MED12L: variants seen among roughly 807,000 people sequenced by gnomAD.
MED12L encodes mediator of RNA polymerase II transcription subunit 12-like protein.
Under a neutral mutation model 281.3 loss-of-function variants are expected in MED12L, and 60 were observed. The ratio of observed to expected loss-of-function variants is 0.21; its 90% CI spans 0.17 to 0.26. The LOEUF is 0.26. Among genes scored for constraint, MED12L ranks in the 10% least tolerant of loss-of-function variants. The pLI, the probability that MED12L is intolerant of heterozygous loss-of-function variation, is 1.00. For synonymous variants in MED12L, 974 were observed against 987.2 expected, an observed-to-expected ratio of 0.99 and a Z score of 0.25; for missense variants, 2,146 against 2,680.9, an observed-to-expected ratio of 0.80 and a Z score of 4.41.
intron 21 of MED12L, among the ~76,000 whole-genome samples, chr3:151,363,504 T>A (rs1417236417): frequency 6.6e-6 from 1 of 152,208 alleles, no homozygotes; most frequent in Non-Finnish European, 1.5e-5. Context: ...TGCCAAGCAC[T>A]GTGCTGGGTT....
chr3:151,413,559 G>A (rs960453502), intron 42 of MED12L, among the ~76,000 whole-genome samples: 3 of 152,106 alleles, frequency 2.0e-5, no homozygotes, highest in East Asian at 3.9e-4. Context: ...GAGGGCAGAC[G>A]GATGCCTTTA....
chr3:151,128,056 G>A, intron 5 of MED12L, 72 bp downstream of exon 5: 1 of 1,357,350 alleles, frequency 7.4e-7, no homozygotes, highest in South Asian at 1.3e-5. Flanking sequence ...TGTACCCTCT[G>A]GATACAGCCC....
chr3:151,409,320 G>A lies in MED12L; in HGVS notation c.5898G>A (p.Leu1966=). The change falls in exon 40 of 45, where the codon CTG becomes CTA. Residue 1966 remains leucine (L), a synonymous_variant. Transcript: ENST00000687756. ...CTCAGCTCCCTCAGTATCCAGGGCT[G>A]CAGCAAGCACAGGTACCCACATTTG... ...PSPQLPQYPG[L]QQAQTMPQGY... is the part of the protein sequence containing the mutation. 1 of 1,614,004 alleles carries A rather than the reference G, an allele frequency of 6.2e-7. No individual in the cohort carries two copies. The highest frequency in any genetic ancestry group is 8.5e-7 in the Non-Finnish European group (1 of 1,179,982).
chr3:151,192,176 TTTCTA>T (rs1724079899), intron 14 of MED12L, among the ~76,000 whole-genome samples: 2 of 152,240 alleles, frequency 1.3e-5, no homozygotes, highest in Admixed American at 1.3e-4. Flanking sequence ...TGCTTTTTCT[TTTCTA>T]TTCTATAGAT....
chr3:151,220,162 A>G (rs1388639279), intron 16 of MED12L, among the ~76,000 whole-genome samples: 1 of 149,324 alleles, frequency 6.7e-6, no homozygotes, highest in African/African-American at 2.5e-5. Context: ...GGTAATCAAA[A>G]ATGTTTCTAG....
At position 151,337,792 on chromosome 3, in the gene MED12L, T is replaced by G. The variant is rs767525617; in HGVS notation, c.2251-12267T>G. 13 of 1,609,728 alleles carry G rather than the reference T, an allele frequency of 8.1e-6. No homozygotes were observed. In the African/African-American group the frequency reaches 1.2e-4, roughly 15 times the overall value. On this transcript the variant is annotated intron_variant, in intron 16 of 44. Transcript: ENST00000687756. ...TAACGAGTTCTGAACACAAAGAGAT[T>G]GAAATATTTCCTTAGTTAATTTGTT...
At chr3:151,405,679 C>T (rs1716214219) in intron 39 of MED12L, among the ~76,000 whole-genome samples, 1 of 152,192 alleles carries the variant, frequency 6.6e-6, no homozygotes, top group East Asian at 1.9e-4. Flanking sequence ...ATCATGTTCC[C>T]ATATAGTTCT....
At chr3:151,192,123 A>G (rs1351539521) in intron 14 of MED12L, among the ~76,000 whole-genome samples, 1 of 152,346 alleles carries the variant, frequency 6.6e-6, no homozygotes, top group African/African-American at 2.4e-5. Flanking sequence ...TACAAGGCTA[A>G]AAACTGAAGT....
chr3:151,230,923 G>C (rs1421560501), intron 16 of MED12L, among the ~76,000 whole-genome samples: 1 of 152,114 alleles, frequency 6.6e-6, no homozygotes, highest in Non-Finnish European at 1.5e-5. Flanking sequence ...ACTGATTTCC[G>C]ATCAGGTACA....
chr3:151,108,319 A>G (rs1463854408), intron 2 of MED12L, among the ~76,000 whole-genome samples: 1 of 152,070 alleles, frequency 6.6e-6, no homozygotes. Flanking sequence ...TGAGAGAAGT[A>G]TGGATAGGTT....
intron 16 of MED12L, among the ~76,000 whole-genome samples, chr3:151,258,911 T>C (rs150300296): frequency 1.3e-5 from 2 of 149,874 alleles, no homozygotes; most frequent in Non-Finnish European, 3.0e-5. Context: ...GCTTTGTGGA[T>C]GGGAGCTGTG....
intron 16 of MED12L, among the ~76,000 whole-genome samples, chr3:151,219,894 C>CG (rs966596477): frequency 6.4e-5 from 1 of 15,706 alleles, no homozygotes. Flanking sequence ...TTATATTACC[C>CG]CCCCCCCCCC....
chr3:151,087,550 T>G (rs1053933691), intron 2 of MED12L, among the ~76,000 whole-genome samples: 1 of 152,236 alleles, frequency 6.6e-6, no homozygotes, highest in Admixed American at 6.5e-5. Flanking sequence ...AATATACCTC[T>G]GTAACCCTTC....
At chr3:151,299,241 C>A (rs1745526496) in intron 16 of MED12L, among the ~76,000 whole-genome samples, 1 of 152,148 alleles carries the variant, frequency 6.6e-6, no homozygotes, top group East Asian at 1.9e-4. Flanking sequence ...CACTGCTCTA[C>A]CTGCCAGGTG....
intron 16 of MED12L, among the ~76,000 whole-genome samples, chr3:151,278,690 T>A (rs1179591438): frequency 1.3e-5 from 2 of 152,182 alleles, no homozygotes; most frequent in African/African-American, 2.4e-5. Context: ...AAATTCAACA[T>A]GTGGTATGAG....
chr3:151,248,249 T>C (rs1225496394), intron 16 of MED12L, among the ~76,000 whole-genome samples: 5 of 152,124 alleles, frequency 3.3e-5, no homozygotes, highest in Non-Finnish European at 7.4e-5. Context: ...ACAGCAACTA[T>C]GAGACCTATT....
chr3:151,289,418 A>G (rs1577240359), intron 16 of MED12L, among the ~76,000 whole-genome samples: 1 of 152,266 alleles, frequency 6.6e-6, no homozygotes, highest in Non-Finnish European at 1.5e-5. Flanking sequence ...TATACTGAGA[A>G]GAAGTCAAGA....
intron 2 of MED12L, among the ~76,000 whole-genome samples, chr3:151,092,669 G>C (rs971164392): frequency 6.6e-6 from 1 of 152,214 alleles, no homozygotes; most frequent in African/African-American, 2.4e-5. Flanking sequence ...TTCTTCAAAA[G>C]GGGAGGATGT....
chr3:151,300,026 A>C, intron 16 of MED12L: 1 of 1,388,198 alleles, frequency 7.2e-7, no homozygotes, highest in African/African-American at 1.4e-5. Flanking sequence ...AATAGTCATC[A>C]ATAAAGTAAG....
Sources: allele counts gnomAD v4.1 joint callset (sites outside exome capture counted in the v4.1 genomes callset), GRCh38; gene constraint gnomAD v4.1.1; transcripts MANE v1.5; gene names NCBI Gene and HGNC (gene_info 2026-07-23, HGNC 2026-07-21).